Variants in KAZN observed in about 807,000 individuals in gnomAD.
The protein encoded by KAZN is kazrin.
A neutral mutation model predicts 87.4 loss-of-function variants in KAZN; 40 were observed. The observed-to-expected ratio is 0.46, with a 90% CI of 0.36 to 0.60. KAZN has a LOEUF of 0.60. Among genes scored for constraint, KAZN ranks in the 20% least tolerant of loss-of-function variants. KAZN has a pLI of 0.00. For missense variants in KAZN, 898 were observed against 1,073.9 expected (o/e 0.84, Z 2.29); for synonymous variants, 466 against 458.3 (o/e 1.02, Z -0.22).
intron 1 of KAZN, among the ~76,000 whole-genome samples, chr1:14,893,256 C>T (rs1246539985): frequency 1.3e-5 from 2 of 152,074 alleles, no homozygotes; most frequent in Non-Finnish European, 2.9e-5. Context: ...ATCCCAGCCA[C>T]TTGGGAGGCT....
chr1:14,234,029 C>T (rs1648131717), intron 2 of KAZN, among the ~76,000 whole-genome samples: 1 of 152,084 alleles, frequency 6.6e-6, no homozygotes, highest in Admixed American at 6.5e-5. Flanking sequence ...TACCATTTGA[C>T]CCAGCAATCC....
chr1:14,968,360 CA>C (rs1198182648), intron 2 of KAZN, among the ~76,000 whole-genome samples: 1 of 152,182 alleles, frequency 6.6e-6, no homozygotes, highest in African/African-American at 2.4e-5. Context: ...GCTGTAAATA[CA>C]GATGAAACTT....
At chr1:14,417,993 C>CAA (rs58803467) in intron 2 of KAZN, among the ~76,000 whole-genome samples, 3 of 33,814 alleles carry the variant, frequency 8.9e-5, no homozygotes, top group East Asian at 1.0e-3. Flanking sequence ...GAGACTGCCT[C>CAA]AAAAAAAAAA....
chr1:13,945,710 T>TGTGTGTGTGTGTGAGAGA (rs757118365), intron 1 of KAZN, among the ~76,000 whole-genome samples: 3 of 137,184 alleles, frequency 2.2e-5, no homozygotes, highest in East Asian at 4.6e-4. Context: ...TGTGTGTGTG[T>TGTGTGTGTGTGTGAGAGA]GAGAGAGAGA....
chr1:15,058,064 GTCCTCTATGC>G (rs1638461729), intron 5 of KAZN, among the ~76,000 whole-genome samples: 1 of 152,172 alleles, frequency 6.6e-6, no homozygotes, highest in Admixed American at 6.5e-5. Flanking sequence ...TCTCCCCTGT[GTCCTCTATGC>G]TCCTGTAAAG....
intron 1 of KAZN, among the ~76,000 whole-genome samples, chr1:13,999,967 G>A (rs1639705951): frequency 6.6e-6 from 1 of 152,138 alleles, no homozygotes; most frequent in Non-Finnish European, 1.5e-5. Context: ...TAAATTCCTG[G>A]ACACATACAC....
At chr1:14,978,083 G>T (rs202081049) in intron 2 of KAZN, among the ~76,000 whole-genome samples, 1 of 152,064 alleles carries the variant, frequency 6.6e-6, no homozygotes, top group East Asian at 1.9e-4. Context: ...TGAGGGCAGA[G>T]TTTCTGGTCC....
intron 1 of KAZN, among the ~76,000 whole-genome samples, chr1:14,892,214 A>G (rs1188778367): frequency 6.6e-6 from 1 of 151,888 alleles, no homozygotes; most frequent in Non-Finnish European, 1.5e-5. Context: ...ACAAACACTA[A>G]ATTCTCTCAG....
chr1:14,304,909 T>A (rs1654811822), intron 2 of KAZN, among the ~76,000 whole-genome samples: 1 of 152,060 alleles, frequency 6.6e-6, no homozygotes, highest in African/African-American at 2.4e-5. Context: ...TTTAGAAGCC[T>A]TAAGAAGCAT....
chr1:14,980,261 T>C (rs553955394), intron 2 of KAZN, among the ~76,000 whole-genome samples: 5 of 152,238 alleles, frequency 3.3e-5, no homozygotes, highest in Non-Finnish European at 7.3e-5. Context: ...CCGTATCATT[T>C]GTTGTTTAAA....
chr1:14,953,105 C>T (rs7552296), intron 1 of KAZN, among the ~76,000 whole-genome samples: 9,756 of 152,264 alleles, frequency 0.064, 979 homozygotes, highest in African/African-American at 0.21. Flanking sequence ...AGCATGGTGT[C>T]GGGTGTTGGG....
At chr1:14,151,344 A>G (rs888780991) in intron 1 of KAZN, among the ~76,000 whole-genome samples, 5 of 152,142 alleles carry the variant, frequency 3.3e-5, no homozygotes, top group African/African-American at 1.2e-4. Context: ...TTAGTGCCCC[A>G]GAAAGGCCAT....
chr1:14,338,034 G>C (rs1387381400), intron 2 of KAZN, among the ~76,000 whole-genome samples: 2 of 151,970 alleles, frequency 1.3e-5, no homozygotes, highest in Non-Finnish European at 2.9e-5. Flanking sequence ...ACATTTCCTT[G>C]AGTAACCAAA....
intron 1 of KAZN, among the ~76,000 whole-genome samples, chr1:14,076,097 T>C (rs1196172801): frequency 6.6e-6 from 1 of 151,838 alleles, no homozygotes; most frequent in African/African-American, 2.4e-5. Context: ...CTGGCTAACA[T>C]GGTGAAACCC....
chr1:14,438,799 G>A (rs1666542977), intron 2 of KAZN, among the ~76,000 whole-genome samples: 1 of 152,224 alleles, frequency 6.6e-6, no homozygotes, highest in African/African-American at 2.4e-5. Flanking sequence ...CTCACGATGA[G>A]CTTCCTAAAA....
chr1:14,072,962 C>T (rs1557452156), intron 1 of KAZN, among the ~76,000 whole-genome samples: 1 of 152,002 alleles, frequency 6.6e-6, no homozygotes, highest in Non-Finnish European at 1.5e-5. Context: ...TCTGCTGATC[C>T]CACTGATGGG....
chr1:14,344,959 C>T (rs2995022), intron 2 of KAZN, among the ~76,000 whole-genome samples: 10,060 of 150,546 alleles, frequency 0.067, 374 homozygotes, highest in South Asian at 0.086. Flanking sequence ...GGTTCTGTCG[C>T]CCAGGCTAGA....
intron 1 of KAZN, among the ~76,000 whole-genome samples, chr1:14,105,768 C>T (rs1480738914): frequency 6.6e-6 from 1 of 152,168 alleles, no homozygotes; most frequent in Non-Finnish European, 1.5e-5. Context: ...GACCCTTGAG[C>T]TGCGTGGAAG....
intron 1 of KAZN, among the ~76,000 whole-genome samples, chr1:14,694,421 A>G (rs907882441): frequency 4.6e-5 from 7 of 152,280 alleles, no homozygotes; most frequent in African/African-American, 9.6e-5. Context: ...AAATGTGACT[A>G]TCTCCATGCC....
Sources: gnomAD v4.1 joint callset for allele counts (sites outside exome capture counted in the v4.1 genomes callset) on GRCh38, gnomAD v4.1.1 for gene constraint, MANE v1.5 for transcripts, NCBI Gene and HGNC (gene_info 2026-07-23, HGNC 2026-07-21) for gene names.